Variants in MTMR3 observed in about 807,000 individuals in gnomAD.
MTMR3 encodes the protein phosphatidylinositol-3,5-bisphosphate 3-phosphatase MTMR3.
In MTMR3, 32 loss-of-function variants were observed where a neutral mutation model predicts 132.4. The observed-to-expected ratio is 0.24, with a 90% CI of 0.18 to 0.32. The LOEUF is 0.32. MTMR3 is among the 10% of genes least tolerant of loss of function. The probability of loss-of-function intolerance (pLI) is 1.00; values close to 1 mark genes in which losing one functional copy is unlikely to be tolerated. For missense variants in MTMR3, 1,216 were observed against 1,489.6 expected, an observed-to-expected ratio of 0.82 and a Z score of 3.02; for synonymous variants, 556 against 550.3, an observed-to-expected ratio of 1.01 and a Z score of -0.14.
chr22:29,886,846 G>T (rs1321268447), intron 1 of MTMR3, among the ~76,000 whole-genome samples: 1 of 152,188 alleles, frequency 6.6e-6, no homozygotes, highest in Non-Finnish European at 1.5e-5. Context: ...TCATAATTTA[G>T]TGTGAAGTCA....
chr22:29,933,673 A>G (rs537756699), intron 1 of MTMR3, among the ~76,000 whole-genome samples: 7 of 149,534 alleles, frequency 4.7e-5, no homozygotes, highest in African/African-American at 1.5e-4. Context: ...TTAGTCATCA[A>G]TGATAGTCTT....
At chr22:29,887,291 CA>C (rs1221832672) in intron 1 of MTMR3, among the ~76,000 whole-genome samples, 2 of 152,174 alleles carry the variant, frequency 1.3e-5, no homozygotes, top group African/African-American at 2.4e-5. Context: ...CCCTGAGCTC[CA>C]GTTCCCTCAT....
chr22:29,928,905 C>G (rs114985406), intron 1 of MTMR3, among the ~76,000 whole-genome samples: 1 of 152,146 alleles, frequency 6.6e-6, no homozygotes, highest in Non-Finnish European at 1.5e-5. Flanking sequence ...ATATGGAATA[C>G]GTAGTAGTAG....
intron 1 of MTMR3, chr22:29,899,514 T>C (rs540341449): frequency 2.2e-4 from 33 of 152,364 alleles, no homozygotes; most frequent in African/African-American, 7.9e-4. Context: ...TCAATCACAG[T>C]ATTGATTAGT....
chr22:29,906,526 G>T (rs1403416055), intron 1 of MTMR3, among the ~76,000 whole-genome samples: 2 of 151,610 alleles, frequency 1.3e-5, no homozygotes, highest in African/African-American at 4.8e-5. Context: ...AATAGAGACG[G>T]AGTTTCACCA....
At chr22:29,917,653 C>G (rs894899572) in intron 1 of MTMR3, among the ~76,000 whole-genome samples, 3 of 152,172 alleles carry the variant, frequency 2.0e-5, no homozygotes, top group African/African-American at 7.2e-5. Context: ...TGGAACAAGT[C>G]TTTGTGCCAT....
Position 30,025,468 on chromosome 22 carries a change from C to T in MTMR3, c.3426-162C>T. 6 of 698,102 alleles carry T rather than the reference C, an allele frequency of 8.6e-6. No homozygotes were observed. The South Asian group carries it at 1.1e-4, about 13-fold the overall frequency. 43.2% of individuals were successfully genotyped at this position (698,102 alleles called of 1,614,324 possible). On this transcript the variant is annotated intron_variant, in intron 19 of 19. Coordinates refer to ENST00000401950, the MANE Select transcript of MTMR3 (RefSeq NM_021090.4). Reference sequence around the variant, plus strand: ...TGACTCTGCTAGGTAGGGACACCCTCCCTACCCAGCTTGTTCCTGGGCTAG... The same window carrying T: ...TGACTCTGCTAGGTAGGGACACCCTTCCTACCCAGCTTGTTCCTGGGCTAG...
intron 1 of MTMR3, among the ~76,000 whole-genome samples, chr22:29,937,891 C>T (rs532789317): frequency 5.1e-4 from 78 of 152,204 alleles, no homozygotes; most frequent in Non-Finnish European, 1.0e-3. Flanking sequence ...TGAGTTGATG[C>T]TTCAGTAGGT....
At chr22:29,930,422 T>C (rs1421078561) in intron 1 of MTMR3, among the ~76,000 whole-genome samples, 1 of 152,142 alleles carries the variant, frequency 6.6e-6, no homozygotes, top group South Asian at 2.1e-4. Context: ...TAATATGAAC[T>C]TGGCCAGGTG....
At position 30,022,916 on chromosome 22, in the gene MTMR3, T is replaced by G. The variant is rs532280334; in HGVS notation, c.3425+219T>G. Reference sequence around the variant, plus strand: ...ACTGTTAAATTCTGAAATGTGCAAATGGTAGCATTTTGTTGTTTCCCAGAT... The same window carrying G: ...ACTGTTAAATTCTGAAATGTGCAAAGGGTAGCATTTTGTTGTTTCCCAGAT... On this transcript the variant is annotated intron_variant, in intron 19 of 19. Transcript: ENST00000401950. 1.8e-5 allele frequency: 10 copies of G among 544,436 alleles called. No individual in the cohort carries two copies. The South Asian group carries it at 2.4e-4, about 13-fold the overall frequency. 33.7% of individuals were successfully genotyped at this position (544,436 alleles called of 1,614,324 possible).
In MTMR3 at chr22:30,019,630, A is replaced by G; in HGVS notation, c.1971A>G (p.Gly657=). The change falls in exon 17 of 20, where the codon GGA becomes GGG. Residue 657 remains glycine (G), a synonymous_variant. Transcript: ENST00000401950. The part of the protein sequence containing the change: ...SLELSSLAGP[G]EDPLSADSLG... ...AGCTGAGCAGCCTGGCTGGCCCTGG[A>G]GAGGATCCCCTTTCTGCCGACAGCC... is the stretch of plus-strand genomic sequence containing the variant. 1 of 1,614,148 alleles carries G rather than the reference A, an allele frequency of 6.2e-7. No homozygotes were observed. The highest frequency in any genetic ancestry group is 8.5e-7 in the Non-Finnish European group (1 of 1,180,028).
chr22:29,981,190 T>A (rs2066735944), intron 5 of MTMR3: 1 of 152,256 alleles, frequency 6.6e-6, no homozygotes, highest in South Asian at 2.1e-4. Flanking sequence ...TGTTTTTGTG[T>A]CTTCAAGATC....
intron 1 of MTMR3, among the ~76,000 whole-genome samples, chr22:29,941,038 A>G (rs1191349500): frequency 6.7e-6 from 1 of 150,110 alleles, no homozygotes; most frequent in Admixed American, 6.6e-5. Flanking sequence ...TTTACATCAC[A>G]TGAGAAAGTT....
At chr22:29,919,690 T>TAA (rs879675613) in intron 1 of MTMR3, among the ~76,000 whole-genome samples, 2 of 140,338 alleles carry the variant, frequency 1.4e-5, no homozygotes, top group Non-Finnish European at 3.1e-5. Context: ...GCCTAGCTAA[T>TAA]AAAAAAAAAA....
chr22:29,962,906 TTTTC>T (rs2066339412), intron 2 of MTMR3, among the ~76,000 whole-genome samples: 1 of 140,668 alleles, frequency 7.1e-6, no homozygotes, highest in Non-Finnish European at 1.6e-5. Flanking sequence ...TTTCTCTCTT[TTTTC>T]TTTTTTTTTT....
chr22:30,030,652 CTATT>C lies in MTMR3; in HGVS notation c.*4855_*4858del, dbSNP rs923237991. 2 of 132,872 alleles carry C rather than the reference CTATT, an allele frequency of 1.5e-5. No homozygotes were observed. Among genetic ancestry groups the C allele is most frequent in the Non-Finnish European group, 3.3e-5 (2 of 61,312 alleles). 8.2% of individuals were successfully genotyped at this position (132,872 alleles called of 1,614,324 possible). A position where few individuals can be genotyped will look rare whatever the true frequency, so the allele number is the denominator to read the frequency against. ...CGAGGAGGGGGCGGGGGGGGGGTCA[CTATT>C]TATCTTCCAGAGGCAGGGTTCATGG... On this transcript the variant is annotated 3_prime_UTR_variant, in exon 20 of 20. Transcript: ENST00000401950.
At chr22:29,908,104 A>AT (rs1198729673) in intron 1 of MTMR3, among the ~76,000 whole-genome samples, 3 of 152,038 alleles carry the variant, frequency 2.0e-5, no homozygotes, top group Admixed American at 6.6e-5. Context: ...TGCAAGTAAG[A>AT]TTTTTTTTCC....
At chr22:29,898,098 C>G (rs2064937985) in intron 1 of MTMR3, among the ~76,000 whole-genome samples, 1 of 152,228 alleles carries the variant, frequency 6.6e-6, no homozygotes, top group South Asian at 2.1e-4. Context: ...GCCTCAGCCT[C>G]TCGAGTAGCT....
intron 5 of MTMR3, chr22:29,986,518 C>A: frequency 3.4e-6 from 3 of 886,014 alleles, no homozygotes; most frequent in Non-Finnish European, 2.7e-6. Flanking sequence ...TTTTTTCCTT[C>A]TTAGATGCAC....
Sources: allele counts gnomAD v4.1 joint callset (sites outside exome capture counted in the v4.1 genomes callset), GRCh38; gene constraint gnomAD v4.1.1; transcripts MANE v1.5; gene names NCBI Gene and HGNC (gene_info 2026-07-23, HGNC 2026-07-21).